DGKH: variants seen among roughly 807,000 people sequenced by gnomAD.
The protein encoded by DGKH is DAG kinase eta.
A neutral mutation model predicts 159.3 loss-of-function variants in DGKH; 90 were observed. The observed-to-expected ratio is 0.57, with a 90% confidence interval of 0.48 to 0.67. The LOEUF is 0.67. Ranked by LOEUF, DGKH falls within the 30% of genes least tolerant of loss-of-function variation. DGKH has a pLI of 0.00. For missense variants in DGKH, 1,181 were observed against 1,506.1 expected, an observed-to-expected ratio of 0.78 and a Z score of 3.57; for synonymous variants, 536 against 553.8, an observed-to-expected ratio of 0.97 and a Z score of 0.45.
At chr13:42,053,900 G>A (rs1248328706) in intron 1 of DGKH, among the ~76,000 whole-genome samples, 5 of 152,080 alleles carry the variant, frequency 3.3e-5, no homozygotes, top group Non-Finnish European at 7.4e-5. Context: ...GATTACAGGC[G>A]TGAGCCACCA....
chr13:42,166,495 G>T lies in DGKH; in HGVS notation c.959-20G>T. ...AGAGAAAGCTGTATGTATTGATCTT[G>T]TGTTGTGTTTTTTTCACAGGTTTCT... On this transcript the variant is annotated intron_variant, in intron 8 of 29. Coordinates refer to ENST00000337343, the MANE Select transcript of DGKH (RefSeq NM_178009.5). The T allele has an allele frequency of 6.7e-7, 1 of 1,498,082 alleles. No homozygotes were observed. Among genetic ancestry groups the T allele is most frequent in the Non-Finnish European group, 8.9e-7 (1 of 1,120,156 alleles). The allele number at this position is 1,498,082 out of a possible 1,614,324, so 92.8% of individuals were successfully genotyped here. A position where few individuals can be genotyped will look rare whatever the true frequency, so the allele number is the denominator to read the frequency against.
chr13:42,127,079 G>C (rs867078517), intron 1 of DGKH, among the ~76,000 whole-genome samples: 1 of 152,178 alleles, frequency 6.6e-6, no homozygotes, highest in East Asian at 1.9e-4. Flanking sequence ...CAGCTACTAA[G>C]TGGTGGCACC....
At position 42,070,715 on chromosome 13, in the gene DGKH, C is replaced by T. The variant is rs201068176; in HGVS notation, c.192+21750C>T. 2.5e-4 allele frequency: 396 copies of T among 1,610,062 alleles called. 4 individuals are homozygous for T. The South Asian group carries it at 4.3e-3, about 17-fold the overall frequency. ...TGATACATGAAAAGCCTGGCATGCT[C>T]TTCCAGTAAAGGGCCCTGCTCCAGC... On this transcript the variant is annotated intron_variant, in intron 1 of 29. Transcript: ENST00000337343.
intron 13 of DGKH, among the ~76,000 whole-genome samples, chr13:42,182,675 G>A (rs9525591): frequency 0.97 from 147,156 of 152,192 alleles, 71,217 homozygotes; most frequent in East Asian, 1. Flanking sequence ...AATGTTTTCA[G>A]ACCATGGTTG....
chr13:42,114,192 T>G (rs1321278692), intron 1 of DGKH, among the ~76,000 whole-genome samples: 1 of 152,016 alleles, frequency 6.6e-6, no homozygotes, highest in African/African-American at 2.4e-5. Flanking sequence ...AAGTCCAGAA[T>G]AGACAACAGC....
rs139831452 is a variant in DGKH at position 42,088,221 on chromosome 13, A to G, written c.193-39242A>G. On this transcript the variant is annotated intron_variant, in intron 1 of 29. Transcript: ENST00000337343. ...AATAAATAATTTTGGACAAACAAAA[A>G]CTGTGAGAATTTATCACCAGGAGAC... 2.9e-3 allele frequency among the ~76,000 whole-genome samples: 434 copies of G among 152,276 alleles called. 4 individuals are homozygous for G. The highest frequency in any genetic ancestry group is 0.01 in the African/African-American group (421 of 41,562).
chr13:42,201,293 G>T (rs967998247), intron 20 of DGKH, among the ~76,000 whole-genome samples: 4 of 152,226 alleles, frequency 2.6e-5, no homozygotes, highest in Admixed American at 6.5e-5. Flanking sequence ...GCCCAGTTTG[G>T]CCACACCCAA....
intron 1 of DGKH, among the ~76,000 whole-genome samples, chr13:42,053,135 A>G (rs1385853153): frequency 6.6e-6 from 1 of 152,106 alleles, no homozygotes; most frequent in African/African-American, 2.4e-5. Flanking sequence ...CAAGAATTCA[A>G]GACTAGCTTG....
chr13:42,249,096 G>A (rs962822203), intron 29 of DGKH, among the ~76,000 whole-genome samples: 18 of 152,016 alleles, frequency 1.2e-4, no homozygotes, highest in Admixed American at 2.0e-4. Context: ...TGATTGTGGC[G>A]GGCACAGTGG....
intron 1 of DGKH, chr13:42,066,241 G>A (rs898971566): frequency 2.6e-5 from 4 of 152,204 alleles, no homozygotes; most frequent in Non-Finnish European, 4.4e-5. Flanking sequence ...GTTCGTAGCA[G>A]CGTTATTCAT....
rs1958291680 is a variant in DGKH, at chr13:42,231,442, C to T, written c.*2254C>T. 6.6e-6 allele frequency: 1 copy of T among 152,096 alleles called. No homozygotes were observed. The highest frequency in any genetic ancestry group is 1.5e-5 in the Non-Finnish European group (1 of 68,014). 9.4% of individuals were successfully genotyped at this position (152,096 alleles called of 1,614,324 possible). On this transcript the variant is annotated 3_prime_UTR_variant, in exon 30 of 30. Transcript: ENST00000337343. ...AGTCAGAGGTCTCCTTTTTCAGTCCCTCTGATAGTCCCACCTAAGTGCTGT... is the reference window on the plus strand; with the variant it reads ...AGTCAGAGGTCTCCTTTTTCAGTCCTTCTGATAGTCCCACCTAAGTGCTGT...
exon 31 of DGKH, chr13:42,256,379 A>AC (rs1313298249): frequency 6.3e-7 from 1 of 1,583,906 alleles, no homozygotes; most frequent in African/African-American, 1.3e-5. Context: ...GACAGCTCTC[A>AC]ATCCTCGTAT....
chr13:42,110,274 C>T (rs1211494285), intron 1 of DGKH, among the ~76,000 whole-genome samples: 2 of 152,160 alleles, frequency 1.3e-5, no homozygotes, highest in Non-Finnish European at 2.9e-5. Context: ...CCACTGACCC[C>T]CAGCTCCTCC....
chr13:42,229,317 T>C lies in DGKH; in HGVS notation c.*129T>C, dbSNP rs568378057. 926 of 755,832 alleles carry C rather than the reference T, an allele frequency of 1.2e-3. 21 individuals carry two copies. The South Asian group carries it at 0.017, about 14-fold the overall frequency. 46.8% of individuals were successfully genotyped at this position (755,832 alleles called of 1,614,324 possible). A position where few individuals can be genotyped will look rare whatever the true frequency, so the allele number is the denominator to read the frequency against. On this transcript the variant is annotated 3_prime_UTR_variant, in exon 30 of 30. Coordinates refer to ENST00000337343, the MANE Select transcript of DGKH (RefSeq NM_178009.5). ...CCACTGAAGCACCTCTGTGGCTTGA[T>C]ATTTTGCTGTGGGTGAAATTTTGAT... is the stretch of plus-strand genomic sequence containing the variant.
At chr13:42,061,460 A>G (rs965358122) in intron 1 of DGKH, among the ~76,000 whole-genome samples, 3 of 152,144 alleles carry the variant, frequency 2.0e-5, no homozygotes, top group Non-Finnish European at 2.9e-5. Context: ...TACTCTTGCT[A>G]TCTGTCTAAG....
rs146571882 is a variant in DGKH, at chr13:42,058,889, C to G, written c.192+9924C>G. ...TTCATGGAGCAGAGCCCTTTGTGCT[C>G]CTCCCTGAATCCCATTAGCCACATT... On this transcript the variant is annotated intron_variant, in intron 1 of 29. Transcript: ENST00000337343. Among the ~76,000 whole-genome samples the G allele has an allele frequency of 1.6e-3, 237 of 152,298 alleles. 1 individual carries two copies. Among genetic ancestry groups the G allele is most frequent in the Non-Finnish European group, 3.0e-3 (201 of 68,020 alleles).
rs1958402118 is a variant in DGKH, at chr13:42,235,808, C to T, written c.*6620C>T. The T allele has an allele frequency of 6.6e-6, 1 of 152,108 alleles. No homozygotes were observed. The highest frequency in any genetic ancestry group is 1.5e-5 in the Non-Finnish European group (1 of 67,982). The allele number at this position is 152,108 out of a possible 1,614,324, so 9.4% of individuals were successfully genotyped here. ...TGGGAAAATATAATTATTTTCAAAT[C>T]TTCAAGTAAGTTGTATCGAATGTTT... is the stretch of plus-strand genomic sequence containing the variant. On this transcript the variant is annotated 3_prime_UTR_variant, in exon 30 of 30. Transcript: ENST00000337343.
At chr13:42,137,989 C>A in intron 3 of DGKH, 2 of 665,530 alleles carry the variant, frequency 3.0e-6, no homozygotes, top group Non-Finnish European at 3.7e-6. Context: ...AGAGAACTTT[C>A]TAACTTGAGT....
chr13:42,201,059 C>G (rs974439328), intron 20 of DGKH, among the ~76,000 whole-genome samples: 1 of 150,958 alleles, frequency 6.6e-6, no homozygotes, highest in African/African-American at 2.4e-5. Context: ...GTGGTGCGAT[C>G]TCGGCTCACT....
Sources: gnomAD v4.1 joint callset for allele counts (sites outside exome capture counted in the v4.1 genomes callset) on GRCh38, gnomAD v4.1.1 for gene constraint, MANE v1.5 for transcripts, NCBI Gene and HGNC (gene_info 2026-07-23, HGNC 2026-07-21) for gene names.